The following MYH14 variants were observed in gnomAD, a reference collection of about 807,000 sequenced individuals.
The protein encoded by MYH14 is myosin heavy chain 14.
A neutral mutation model predicts 255.5 loss-of-function variants in MYH14; 123 were observed. That is an observed-to-expected ratio of 0.48 (90% CI 0.42 to 0.56). MYH14 has a LOEUF of 0.56. MYH14 is among the 20% of genes least tolerant of loss of function. The probability of loss-of-function intolerance (pLI) is 0.00; values close to 1 mark genes in which losing one functional copy is unlikely to be tolerated. For synonymous variants in MYH14, 1,095 were observed against 1,161.2 expected (o/e 0.94, Z 1.16); for missense variants, 2,423 against 2,802.3 (o/e 0.86, Z 3.06).
intron 11 of MYH14, among the ~76,000 whole-genome samples, chr19:50,246,701 T>C (rs1164809250): frequency 6.6e-6 from 1 of 152,154 alleles, no homozygotes; most frequent in African/African-American, 2.4e-5. Flanking sequence ...ATCTAACCAA[T>C]TCCCGCTTCT....
chr19:50,217,336 C>T (rs2032535019), intron 2 of MYH14, among the ~76,000 whole-genome samples: 1 of 152,194 alleles, frequency 6.6e-6, no homozygotes, highest in Non-Finnish European at 1.5e-5. Context: ...GTCCAGGCAG[C>T]CACAGGCTGT....
intron 33 of MYH14, chr19:50,285,396 A>T (rs1404473587): frequency 1.3e-5 from 2 of 152,274 alleles, no homozygotes; most frequent in African/African-American, 4.8e-5. Flanking sequence ...ATATACGTCC[A>T]TTGAAATACC....
At chr19:50,262,669 T>C (rs539219302) in intron 21 of MYH14, among the ~76,000 whole-genome samples, 14 of 151,830 alleles carry the variant, frequency 9.2e-5, no homozygotes, top group African/African-American at 3.4e-4. Flanking sequence ...GGGTCAGCTC[T>C]GGGTGTAGAA....
At chr19:50,272,483 G>A (rs2035339454) in intron 26 of MYH14, 77 bp from the exon 27 acceptor site, 1 of 1,455,570 alleles carries the variant, frequency 6.9e-7, no homozygotes, top group Admixed American at 2.0e-5. Context: ...ATGTGACTGG[G>A]GACCTGTGGT....
intron 8 of MYH14, among the ~76,000 whole-genome samples, chr19:50,228,744 G>A (rs1177434840): frequency 3.9e-5 from 6 of 152,168 alleles, no homozygotes; most frequent in Admixed American, 1.3e-4. Flanking sequence ...TTCTCTGTCC[G>A]CTTCCACCTG....
chr19:50,257,887 G>A (rs766433180), intron 18 of MYH14, among the ~76,000 whole-genome samples: 17 of 152,168 alleles, frequency 1.1e-4, no homozygotes, highest in Non-Finnish European at 2.2e-4. Context: ...CCTGGGGGAC[G>A]TGATGACTGA....
chr19:50,253,390 C>T (rs2034473713), intron 16 of MYH14, among the ~76,000 whole-genome samples: 1 of 151,302 alleles, frequency 6.6e-6, no homozygotes, highest in Admixed American at 6.6e-5. Context: ...TTTCAGTGAG[C>T]CAAGATTGTG....
intron 10 of MYH14, among the ~76,000 whole-genome samples, chr19:50,235,354 C>CAA (rs34278236): frequency 2.4e-5 from 3 of 123,008 alleles, no homozygotes; most frequent in African/African-American, 3.0e-5. Flanking sequence ...AGACTCCATC[C>CAA]AAAAAAAAAA....
At chr19:50,291,473 A>G (rs936016801) in intron 36 of MYH14, among the ~76,000 whole-genome samples, 4 of 152,162 alleles carry the variant, frequency 2.6e-5, no homozygotes, top group African/African-American at 9.6e-5. Context: ...TATTTTTAGT[A>G]GAGACAAGGT....
At chr19:50,245,442 AGAAAG>A (rs767709110) in intron 11 of MYH14, among the ~76,000 whole-genome samples, 1,369 of 127,744 alleles carry the variant, frequency 0.011, 57 homozygotes, top group African/African-American at 0.021. Flanking sequence ...AGAAGAAGAA[AGAAAG>A]AAAAAGAAGA....
intron 22 of MYH14, among the ~76,000 whole-genome samples, chr19:50,265,996 T>TA (rs1318569062): frequency 1.3e-5 from 2 of 152,094 alleles, no homozygotes; most frequent in African/African-American, 4.8e-5. Flanking sequence ...ATGTGAATGA[T>TA]ACCTGCGAAA....
intron 22 of MYH14, among the ~76,000 whole-genome samples, chr19:50,264,055 C>CAAAA (rs34015428): frequency 0.013 from 449 of 33,334 alleles, 24 homozygotes; most frequent in Non-Finnish European, 0.018. Flanking sequence ...AACTCTGTCT[C>CAAAA]AAAAAAAAAA....
intron 1 of MYH14, among the ~76,000 whole-genome samples, chr19:50,207,215 G>A (rs1008876690): frequency 6.8e-6 from 1 of 146,520 alleles, no homozygotes; most frequent in Non-Finnish European, 1.5e-5. Context: ...GGGCAATAGA[G>A]CGAGACCTAT....
At position 50,230,390 on chromosome 19, in the gene MYH14, AC is replaced by A; in HGVS notation, c.875-133del. 1.3e-6 allele frequency: 1 copy of A among 748,776 alleles called. No homozygotes were observed. Among genetic ancestry groups the A allele is most frequent in the Non-Finnish European group, 2.2e-6 (1 of 444,624 alleles). 46.4% of individuals were successfully genotyped at this position (748,776 alleles called of 1,614,324 possible). ...TGCTCTTCCAGTTAGTGGCAAAGTCACCAGCCTGGGCTGTGAGCGACTCCAC... is the reference window on the plus strand; with the variant it reads ...TGCTCTTCCAGTTAGTGGCAAAGTCACAGCCTGGGCTGTGAGCGACTCCAC... On this transcript the variant is annotated intron_variant, in intron 8 of 42. Transcript: ENST00000642316. This position sits in a 1 kb window ranked among gnomAD's most constrained non-coding sequence, Gnocchi z 4.7.
chr19:50,239,725 AT>A (rs1020488996), intron 10 of MYH14, among the ~76,000 whole-genome samples: 95 of 151,948 alleles, frequency 6.3e-4, no homozygotes, highest in African/African-American at 2.2e-3. Context: ...AATTTTTTGT[AT>A]TTTTAGTAGA....
At chr19:50,292,501 C>T (rs985670996) in intron 37 of MYH14, 112 bp downstream of exon 37, 11 of 316,398 alleles carry the variant, frequency 3.5e-5, no homozygotes, top group East Asian at 9.7e-5. Context: ...ACCACAGGGT[C>T]CCTGGATGTG....
intron 25 of MYH14, 98 bp downstream of exon 25, chr19:50,271,644 T>C: frequency 6.6e-7 from 1 of 1,508,086 alleles, no homozygotes; most frequent in East Asian, 2.4e-5. Flanking sequence ...ACACTGCGGT[T>C]CTCAGGTGTG....
chr19:50,252,585 C>G lies in MYH14; in HGVS notation c.1831-54C>G, dbSNP rs1049024900. 46 of 1,266,474 alleles carry G rather than the reference C, an allele frequency of 3.6e-5. No individual in the cohort carries two copies. Among genetic ancestry groups the G allele is most frequent in the Non-Finnish European group, 4.1e-5 (36 of 887,456 alleles). 78.5% of individuals were successfully genotyped at this position (1,266,474 alleles called of 1,614,324 possible). On this transcript the variant is annotated intron_variant, in intron 15 of 42. Transcript: ENST00000642316. This position sits in a 1 kb window ranked among gnomAD's most constrained non-coding sequence, Gnocchi z 4.2. Reference sequence around the variant, plus strand: ...CTTCTGGAAGGCTCCTTAGGAAATCCAGAGAATGTCTGAGCCTGCAAGTCA... The same window carrying G: ...CTTCTGGAAGGCTCCTTAGGAAATCGAGAGAATGTCTGAGCCTGCAAGTCA...
intron 29 of MYH14, 149 bp from the exon 30 acceptor site, chr19:50,277,934 T>C (rs1043108739): frequency 2.4e-5 from 11 of 464,418 alleles, no homozygotes; most frequent in South Asian, 8.5e-5. Flanking sequence ...AAAAAAAAAA[T>C]TGGGAGTGAG....
Sources: allele counts gnomAD v4.1 joint callset (sites outside exome capture counted in the v4.1 genomes callset), GRCh38; gene constraint gnomAD v4.1.1; non-coding constraint Gnocchi (gnomAD v3.1); transcripts MANE v1.5; gene names NCBI Gene and HGNC (gene_info 2026-07-23, HGNC 2026-07-21).